Variants in FOXO3 observed in about 807,000 individuals in gnomAD.
FOXO3 encodes forkhead box protein O3.
FOXO3 carries 4 observed loss-of-function variants against 41.9 expected under a neutral mutation model. The ratio of observed to expected loss-of-function variants is 0.10; its 90% CI spans 0.05 to 0.22. FOXO3 has a LOEUF of 0.22. Ranked by LOEUF, FOXO3 falls within the 10% of genes least tolerant of loss-of-function variation. The pLI is 1.00. For synonymous variants in FOXO3, 318 were observed against 389.3 expected, an observed-to-expected ratio of 0.82 and a Z score of 2.16; for missense variants, 534 against 906.8, an observed-to-expected ratio of 0.59 and a Z score of 5.28.
At chr6:108,661,538 C>G (rs1046112844) in intron 1 of FOXO3, among the ~76,000 whole-genome samples, 4 of 152,164 alleles carry the variant, frequency 2.6e-5, no homozygotes, top group Middle Eastern at 3.2e-3. Flanking sequence ...GCCATGAACT[C>G]TCTCCACCAT....
chr6:108,589,830 AAC>A (rs1415074906), intron 1 of FOXO3, among the ~76,000 whole-genome samples: 1 of 152,212 alleles, frequency 6.6e-6, no homozygotes, highest in Non-Finnish European at 1.5e-5. Context: ...GTATGTTAAA[AAC>A]ACACAACTAT....
chr6:108,565,866 AT>A lies in FOXO3; in HGVS notation c.621+4046del, dbSNP rs971693029. Among the ~76,000 whole-genome samples, 5 of 151,758 alleles carry A rather than the reference AT, an allele frequency of 3.3e-5. No homozygotes were observed. The South Asian group carries it at 8.3e-4, about 25-fold the overall frequency. ...TATTTTAACTGCAACTCTGTTTTAAATTTTTTTTTAATTTGAAAATGACTAA... is the reference window on the plus strand; with the variant it reads ...TATTTTAACTGCAACTCTGTTTTAAATTTTTTTTAATTTGAAAATGACTAA... On this transcript the variant is annotated intron_variant, in intron 1 of 2. Coordinates refer to ENST00000406360, the MANE Select transcript of FOXO3 (RefSeq NM_001455.4).
chr6:108,559,853 G>C (rs1386266281), upstream of FOXO3: 1 of 152,426 alleles, frequency 6.6e-6, no homozygotes, highest in Non-Finnish European at 1.5e-5. Flanking sequence ...GAGGAATGTG[G>C]AAGGTGGCGG....
At chr6:108,633,740 A>G (rs1582798904) in intron 1 of FOXO3, among the ~76,000 whole-genome samples, 1 of 152,110 alleles carries the variant, frequency 6.6e-6, no homozygotes, top group African/African-American at 2.4e-5. Flanking sequence ...GTTCCCTGTT[A>G]TAAGTGGCTG....
chr6:108,632,963 A>G (rs941285103), intron 1 of FOXO3, among the ~76,000 whole-genome samples: 1 of 152,288 alleles, frequency 6.6e-6, no homozygotes, highest in East Asian at 1.9e-4. Flanking sequence ...CCCAGTTGCC[A>G]CCACTTGTAA....
At chr6:108,646,171 G>GACCT (rs1778387316) in intron 1 of FOXO3, among the ~76,000 whole-genome samples, 1 of 152,166 alleles carries the variant, frequency 6.6e-6, no homozygotes, top group African/African-American at 2.4e-5. Flanking sequence ...CGAATGAAGA[G>GACCT]ACTCATCTCT....
At chr6:108,679,428 A>C (rs1454560545) in intron 2 of FOXO3, among the ~76,000 whole-genome samples, 1 of 152,154 alleles carries the variant, frequency 6.6e-6, no homozygotes, top group African/African-American at 2.4e-5. Flanking sequence ...TCCTTGTTTT[A>C]GCATGGAAAG....
At chr6:108,665,881 C>T (rs1162616411) in intron 2 of FOXO3, among the ~76,000 whole-genome samples, 3 of 150,964 alleles carry the variant, frequency 2.0e-5, no homozygotes, top group African/African-American at 7.3e-5. Flanking sequence ...AGTACTTACT[C>T]GTGTGCTTCT....
chr6:108,650,768 C>T (rs1337138262), intron 1 of FOXO3, among the ~76,000 whole-genome samples: 2 of 152,052 alleles, frequency 1.3e-5, no homozygotes, highest in African/African-American at 2.4e-5. Context: ...AATGTTTTTT[C>T]AGAAAAATGC....
At chr6:108,630,465 A>T (rs1777935228) in intron 1 of FOXO3, among the ~76,000 whole-genome samples, 1 of 152,124 alleles carries the variant, frequency 6.6e-6, no homozygotes, top group Non-Finnish European at 1.5e-5. Flanking sequence ...AGGGAATTTG[A>T]ACATTTGAGG....
At chr6:108,617,953 G>A (rs183104173) in intron 1 of FOXO3, 43 of 491,664 alleles carry the variant, frequency 8.7e-5, no homozygotes, top group African/African-American at 8.2e-4. Flanking sequence ...GAAGGTAATC[G>A]TGGTCTGCGA....
intron 1 of FOXO3, among the ~76,000 whole-genome samples, chr6:108,568,213 C>G (rs1775998491): frequency 6.8e-6 from 1 of 148,086 alleles, no homozygotes; most frequent in South Asian, 2.2e-4. Flanking sequence ...CCCTCTCTCT[C>G]TCTTTTTTTT....
chr6:108,579,084 G>A (rs935917848), intron 1 of FOXO3, among the ~76,000 whole-genome samples: 24 of 152,148 alleles, frequency 1.6e-4, no homozygotes, highest in African/African-American at 5.3e-4. Flanking sequence ...TCATGTGAGG[G>A]TCTTTTACCA....
upstream of FOXO3, chr6:108,560,734 C>T (rs1028385089): frequency 4.4e-6 from 1 of 228,968 alleles, no homozygotes; most frequent in Non-Finnish European, 8.5e-6. Flanking sequence ...GGCTCGGCTG[C>T]GCCAGCTCCG....
At chr6:108,580,183 A>AT (rs11395032) in intron 1 of FOXO3, among the ~76,000 whole-genome samples, 71,226 of 92,626 alleles carry the variant, frequency 0.77, 28,547 homozygotes, top group South Asian at 0.89. Flanking sequence ...GCTCTTCTTC[A>AT]TTTTTTTTTT....
chr6:108,593,685 T>G (rs971025649), intron 1 of FOXO3, among the ~76,000 whole-genome samples: 18 of 150,666 alleles, frequency 1.2e-4, no homozygotes, highest in African/African-American at 4.4e-4. Flanking sequence ...GCCGCCTTGC[T>G]GTGTATTTTT....
chr6:108,658,150 G>A (rs956436063), intron 1 of FOXO3, among the ~76,000 whole-genome samples: 2 of 152,158 alleles, frequency 1.3e-5, no homozygotes, highest in Admixed American at 6.5e-5. Context: ...AAAACAGAAT[G>A]TATTTCTGGC....
intron 2 of FOXO3, among the ~76,000 whole-genome samples, chr6:108,678,866 A>ATTTTTT (rs1770724993): frequency 2.8e-5 from 2 of 70,698 alleles, no homozygotes; most frequent in Admixed American, 1.6e-4. Context: ...CATTTCTTAA[A>ATTTTTT]TTCTTTTTTT....
intron 1 of FOXO3, among the ~76,000 whole-genome samples, chr6:108,595,222 G>A (rs73517983): frequency 0.039 from 5,958 of 152,204 alleles, 389 homozygotes; most frequent in African/African-American, 0.13. Flanking sequence ...AGAGGTATGA[G>A]CATAATTGTG....
Sources: allele counts gnomAD v4.1 joint callset (sites outside exome capture counted in the v4.1 genomes callset), GRCh38; gene constraint gnomAD v4.1.1; transcripts MANE v1.5; gene names NCBI Gene and HGNC (gene_info 2026-07-23, HGNC 2026-07-21).